Variants in KCNT2 observed in about 807,000 individuals in gnomAD.
The protein encoded by KCNT2 is potassium channel subfamily T member 2.
KCNT2 carries 67 observed loss-of-function variants against 153.8 expected under a neutral mutation model. That is an observed-to-expected ratio of 0.44 (90% CI 0.36 to 0.53). The LOEUF is 0.53. KCNT2 is among the 20% of genes least tolerant of loss of function. The pLI is 0.00. For synonymous variants in KCNT2, 500 were observed against 458.8 expected, an observed-to-expected ratio of 1.09 and a Z score of -1.15; for missense variants, 975 against 1,354.8, an observed-to-expected ratio of 0.72 and a Z score of 4.40.
intron 12 of KCNT2, among the ~76,000 whole-genome samples, chr1:196,408,012 A>G (rs1009970315): frequency 1.1e-3 from 169 of 151,440 alleles, no homozygotes; most frequent in African/African-American, 3.8e-3. Context: ...AAAATTTTCC[A>G]TTATAAATTC....
At chr1:196,464,965 C>T (rs1389192325) in intron 8 of KCNT2, among the ~76,000 whole-genome samples, 1 of 151,920 alleles carries the variant, frequency 6.6e-6, no homozygotes, top group African/African-American at 2.4e-5. Flanking sequence ...GATGAGGGCA[C>T]TTCTGTAACA....
At chr1:196,303,485 A>T (rs1661370207) in intron 22 of KCNT2, among the ~76,000 whole-genome samples, 1 of 152,162 alleles carries the variant, frequency 6.6e-6, no homozygotes, top group South Asian at 2.1e-4. Flanking sequence ...ACCTTCCACA[A>T]TTATGACCTT....
chr1:196,443,882 C>A (rs1675459669), intron 8 of KCNT2, among the ~76,000 whole-genome samples: 1 of 151,350 alleles, frequency 6.6e-6, no homozygotes, highest in Non-Finnish European at 1.5e-5. Flanking sequence ...ATTAGCCATC[C>A]CTAGACATTA....
intron 1 of KCNT2, among the ~76,000 whole-genome samples, chr1:196,560,044 A>G (rs1423289829): frequency 6.6e-6 from 1 of 151,828 alleles, no homozygotes; most frequent in Non-Finnish European, 1.5e-5. Flanking sequence ...TTCTTTTTAA[A>G]TAATTTAATT....
chr1:196,580,140 A>G (rs1423219694), intron 1 of KCNT2, among the ~76,000 whole-genome samples: 2 of 152,216 alleles, frequency 1.3e-5, no homozygotes, highest in African/African-American at 2.4e-5. Flanking sequence ...AAACAAATCC[A>G]GCAAATAGGA....
At chr1:196,430,626 G>A (rs1234978488) in intron 8 of KCNT2, among the ~76,000 whole-genome samples, 9 of 151,902 alleles carry the variant, frequency 5.9e-5, no homozygotes, top group Non-Finnish European at 1.5e-5. Flanking sequence ...GCACAAAATG[G>A]ACTAAGACAC....
chr1:196,320,086 T>A (rs1025051118), intron 19 of KCNT2, among the ~76,000 whole-genome samples: 1 of 151,778 alleles, frequency 6.6e-6, no homozygotes, highest in South Asian at 2.1e-4. Flanking sequence ...ATGCAAAATA[T>A]GTATTATATA....
chr1:196,240,899 A>G (rs1218755029), intron 26 of KCNT2, among the ~76,000 whole-genome samples: 1 of 152,064 alleles, frequency 6.6e-6, no homozygotes, highest in Non-Finnish European at 1.5e-5. Context: ...TGTGTGGGAC[A>G]AGTTTAAACT....
At chr1:196,323,915 G>C (rs1164356465) in intron 19 of KCNT2, among the ~76,000 whole-genome samples, 2 of 150,686 alleles carry the variant, frequency 1.3e-5, no homozygotes, top group Non-Finnish European at 3.0e-5. Context: ...AATATTGTAG[G>C]ATGGATTGCA....
At chr1:196,469,209 A>T in intron 5 of KCNT2, 141 bp from the exon 6 acceptor site, 1 of 539,286 alleles carries the variant, frequency 1.9e-6, no homozygotes, top group South Asian at 3.1e-5. Context: ...AGATGTAGCA[A>T]TGACTTTTAG....
chr1:196,321,820 GAATA>G (rs2148048545), intron 19 of KCNT2, among the ~76,000 whole-genome samples: 1 of 151,980 alleles, frequency 6.6e-6, no homozygotes, highest in Non-Finnish European at 1.5e-5. Flanking sequence ...GAAACATAAA[GAATA>G]AATAAATTGT....
At chr1:196,436,139 A>G (rs1056501101) in intron 8 of KCNT2, among the ~76,000 whole-genome samples, 2 of 151,292 alleles carry the variant, frequency 1.3e-5, no homozygotes, top group African/African-American at 4.9e-5. Flanking sequence ...TAGTCATAGC[A>G]TCATTTTCTG....
chr1:196,243,950 G>T (rs1167739539), intron 26 of KCNT2, among the ~76,000 whole-genome samples: 1 of 151,892 alleles, frequency 6.6e-6, no homozygotes, highest in Non-Finnish European at 1.5e-5. Flanking sequence ...CCTTCTGCTT[G>T]AGGGGACGAA....
chr1:196,258,091 G>A, intron 26 of KCNT2, 103 bp downstream of exon 26: 1 of 1,472,478 alleles, frequency 6.8e-7, no homozygotes, highest in Non-Finnish European at 9.0e-7. Context: ...TAATTGACCT[G>A]TGAAGCAAAA....
At chr1:196,427,385 A>G (rs1572411243) in intron 10 of KCNT2, among the ~76,000 whole-genome samples, 1 of 152,174 alleles carries the variant, frequency 6.6e-6, no homozygotes, top group East Asian at 1.9e-4. Flanking sequence ...AATACTAAGC[A>G]TTGTCTTGAA....
At chr1:196,237,463 C>G (rs1365485692) in intron 26 of KCNT2, among the ~76,000 whole-genome samples, 2 of 151,654 alleles carry the variant, frequency 1.3e-5, no homozygotes, top group Non-Finnish European at 3.0e-5. Flanking sequence ...ATATTCAGCT[C>G]CACATCTATG....
intron 26 of KCNT2, among the ~76,000 whole-genome samples, chr1:196,238,202 T>A (rs911179088): frequency 1.3e-5 from 2 of 151,934 alleles, no homozygotes; most frequent in African/African-American, 4.8e-5. Flanking sequence ...AACAGGATAT[T>A]ATACTTCTTG....
rs75247510 is a variant in KCNT2 at position 196,436,613 on chromosome 1, A to G, written c.639-6856T>C. On this transcript the variant is annotated intron_variant, in intron 8 of 27. Coordinates refer to ENST00000294725, the MANE Select transcript of KCNT2 (RefSeq NM_198503.5). ...ATAATATAGTTATCTTGTTTCATTC[A>G]CACATGTCTTTGGAGCTATTATTAA... 7.2e-3 allele frequency among the ~76,000 whole-genome samples: 1,096 copies of G among 151,472 alleles called. 48 individuals carry two copies. In the East Asian group the frequency reaches 0.11, roughly 16 times the overall value.
At chr1:196,252,754 T>A (rs1056722447) in intron 26 of KCNT2, among the ~76,000 whole-genome samples, 1 of 151,492 alleles carries the variant, frequency 6.6e-6, no homozygotes, top group South Asian at 2.1e-4. Context: ...CATTTTTTTG[T>A]AGTATAAACA....
Sources: gnomAD v4.1 joint callset for allele counts (sites outside exome capture counted in the v4.1 genomes callset) on GRCh38, gnomAD v4.1.1 for gene constraint, MANE v1.5 for transcripts, NCBI Gene and HGNC (gene_info 2026-07-23, HGNC 2026-07-21) for gene names.